Variants in SLC51A observed in about 807,000 individuals in gnomAD.
SLC51A encodes the protein organic solute transporter subunit alpha.
SLC51A carries 22 observed loss-of-function variants against 34.8 expected under a neutral mutation model. That is an observed-to-expected ratio of 0.63 (90% CI 0.45 to 0.90). The LOEUF (loss-of-function observed/expected upper bound fraction) is 0.90, where lower values mean the gene tolerates loss of function less well. Among genes scored for constraint, SLC51A ranks in the 40% least tolerant of loss-of-function variants. The pLI is 0.00. For missense variants in SLC51A, 371 were observed against 414.8 expected (o/e 0.89, Z 0.92); for synonymous variants, 181 against 176.3 (o/e 1.03, Z -0.21).
rs556307667 is a variant in SLC51A, at chr3:196,223,757, A to T, written c.134-3208A>T. The T allele has an allele frequency of 2.7e-5, 9 of 332,930 alleles. No homozygotes were observed. The East Asian group carries it at 6.6e-4, about 24-fold the overall frequency. 20.6% of individuals were successfully genotyped at this position (332,930 alleles called of 1,614,324 possible). On this transcript the variant is annotated intron_variant, in intron 2 of 8. Coordinates refer to ENST00000296327, the MANE Select transcript of SLC51A (RefSeq NM_152672.6). The stretch of plus-strand genomic sequence containing the variant: ...TTAGTTAAAAAAAAAAAAAGAAAGA[A>T]AGAAAATACAGAACAGTAAAAAGAG...
chr3:196,229,920 T>C lies in SLC51A; in HGVS notation c.639T>C (p.Ser213=), dbSNP rs1723992548. The change falls in exon 7 of 9, where the codon TCT becomes TCC. Residue 213 remains serine, a synonymous_variant. Coordinates refer to ENST00000296327, the MANE Select transcript of SLC51A (RefSeq NM_152672.6). ...CTACTTTCTGTTGCCACCAGATTTCTGAGGGGAGCACAGCTCTATGGATCA... is the reference window on the plus strand; with the variant it reads ...CTACTTTCTGTTGCCACCAGATTTCCGAGGGGAGCACAGCTCTATGGATCA... The part of the protein sequence containing the change: ...PDGIYDPADI[S]EGSTALWINT... 6.2e-7 allele frequency: 1 copy of C among 1,600,110 alleles called. No individual in the cohort carries two copies. Among genetic ancestry groups the C allele is most frequent in the Non-Finnish European group, 8.5e-7 (1 of 1,173,962 alleles).
intron 2 of SLC51A, among the ~76,000 whole-genome samples, chr3:196,219,547 G>C (rs984401099): frequency 2.0e-5 from 3 of 151,816 alleles, no homozygotes; most frequent in East Asian, 3.8e-4. Context: ...GAACCAGAGC[G>C]GTTGCCAACT....
chr3:196,220,319 G>A (rs1035327721), intron 2 of SLC51A, among the ~76,000 whole-genome samples: 4 of 152,214 alleles, frequency 2.6e-5, no homozygotes, highest in Admixed American at 6.5e-5. Context: ...GGATGCGGCC[G>A]GACACCGTGG....
At chr3:196,221,013 C>T (rs1261498874) in intron 2 of SLC51A, among the ~76,000 whole-genome samples, 2 of 151,784 alleles carry the variant, frequency 1.3e-5, no homozygotes, top group African/African-American at 4.8e-5. Context: ...ACCTCAGCCT[C>T]CCTAGTAGCT....
chr3:196,227,110 G>A lies in SLC51A; in HGVS notation c.279G>A (p.Ser93=), dbSNP rs777552351. 2.2e-5 allele frequency: 36 copies of A among 1,613,656 alleles called. No homozygotes were observed. The highest frequency in any genetic ancestry group is 2.7e-5 in the Non-Finnish European group (32 of 1,180,012). ...IKRRTLLWKS[S]APTVVSVLCC... The stretch of plus-strand genomic sequence containing the variant: ...GGCGGACTCTGCTCTGGAAGAGCTC[G>A]GCACCCACGGTGAGGCCCCCGGGGC... The change falls in exon 3 of 9, where the codon TCG becomes TCA. Residue 93 remains serine (S), a synonymous_variant. Transcript: ENST00000296327.
Position 196,220,464 on chromosome 3 carries a change from G to A in SLC51A, c.133+2528G>A, listed in dbSNP as rs1296605798. On this transcript the variant is annotated intron_variant, in intron 2 of 8. Transcript: ENST00000296327. ...ATACAAAAATTAGCCAGGTGTGGTG[G>A]CGCGTGCCTGTAATCCCAGCTACTC... Among the ~76,000 whole-genome samples the A allele has an allele frequency of 6.6e-5, 10 of 152,280 alleles. No individual in the cohort carries two copies. The East Asian group carries it at 1.9e-3, about 29-fold the overall frequency.
At chr3:196,229,032 C>A in intron 6 of SLC51A, 112 bp downstream of exon 6, 1 of 909,346 alleles carries the variant, frequency 1.1e-6, no homozygotes, top group Non-Finnish European at 1.7e-6. Flanking sequence ...AAAAGGGTGG[C>A]TGTGGGAAAA....
chr3:196,218,803 C>T (rs370941311), intron 2 of SLC51A, among the ~76,000 whole-genome samples: 2 of 151,906 alleles, frequency 1.3e-5, no homozygotes, highest in Non-Finnish European at 2.9e-5. Flanking sequence ...CTCTGTTTTG[C>T]AGCTTCCCTT....
At chr3:196,227,598 G>A (rs577818950) in intron 3 of SLC51A, 66 bp from the exon 4 acceptor site, 25 of 1,462,588 alleles carry the variant, frequency 1.7e-5, no homozygotes, top group African/African-American at 1.5e-4. Context: ...TGTCCTTGCC[G>A]CAAAAGGCTT....
chr3:196,218,743 T>C (rs1201581151), intron 2 of SLC51A, among the ~76,000 whole-genome samples: 3 of 152,136 alleles, frequency 2.0e-5, no homozygotes, highest in African/African-American at 7.2e-5. Context: ...ATTCCTTGGA[T>C]CCCACCCATT....
At chr3:196,227,870 C>T in intron 4 of SLC51A, 133 bp downstream of exon 4, 1 of 968,480 alleles carries the variant, frequency 1.0e-6, no homozygotes, top group Non-Finnish European at 1.5e-6. Flanking sequence ...GGCTCTTGCG[C>T]TCCTGGCTCT....
intron 2 of SLC51A, among the ~76,000 whole-genome samples, 186 bp downstream of exon 2, chr3:196,218,122 G>A (rs925565001): frequency 6.6e-6 from 1 of 152,206 alleles, no homozygotes; most frequent in Non-Finnish European, 1.5e-5. Context: ...GGGTCAAAAG[G>A]GTAGCATGAG....
intron 3 of SLC51A, 193 bp downstream of exon 3, chr3:196,227,312 C>T (rs1406402081): frequency 1.6e-6 from 1 of 627,568 alleles, no homozygotes; most frequent in Non-Finnish European, 2.8e-6. Context: ...TGTTTGCATT[C>T]TAAGGGCTGC....
Position 196,224,537 on chromosome 3 carries a change from G to A in SLC51A, c.134-2428G>A, listed in dbSNP as rs185630969. On this transcript the variant is annotated intron_variant, in intron 2 of 8. Coordinates refer to ENST00000296327, the MANE Select transcript of SLC51A (RefSeq NM_152672.6). Reference sequence around the variant, plus strand: ...CGAAAACCGTCTCTACTAGCTGGGCGTGGTGGCAGGTGCCTGTAATCCCAG... The same window carrying A: ...CGAAAACCGTCTCTACTAGCTGGGCATGGTGGCAGGTGCCTGTAATCCCAG... Among the ~76,000 whole-genome samples the A allele has an allele frequency of 1.9e-3, 286 of 151,772 alleles. 2 individuals are homozygous for A. Among genetic ancestry groups the A allele is most frequent in the African/African-American group, 6.8e-3 (282 of 41,366 alleles).
At chr3:196,218,612 G>A (rs73083237) in intron 2 of SLC51A, among the ~76,000 whole-genome samples, 4,265 of 152,240 alleles carry the variant, frequency 0.028, 191 homozygotes, top group African/African-American at 0.098. Context: ...GGGGATCCCC[G>A]AGGCCAGCTC....
At chr3:196,231,912 TC>T (rs903835898) in intron 7 of SLC51A, among the ~76,000 whole-genome samples, 1 of 151,688 alleles carries the variant, frequency 6.6e-6, no homozygotes, top group Non-Finnish European at 1.5e-5. Flanking sequence ...TTAAGTACAT[TC>T]CCATAGTTGC....
intron 6 of SLC51A, among the ~76,000 whole-genome samples, chr3:196,229,545 T>A (rs1250444765): frequency 6.6e-6 from 1 of 151,838 alleles, no homozygotes; most frequent in Non-Finnish European, 1.5e-5. Context: ...CCCCGGCTAA[T>A]TTTGTATTTT....
intron 2 of SLC51A, among the ~76,000 whole-genome samples, chr3:196,224,707 A>G (rs995447559): frequency 7.0e-4 from 32 of 45,406 alleles, no homozygotes; most frequent in South Asian, 2.5e-3. Context: ...CGGGGGGGGG[A>G]GGAGATGGGA....
chr3:196,228,034 C>A lies in SLC51A; in HGVS notation c.363-81C>A. 1.3e-6 allele frequency: 2 copies of A among 1,548,512 alleles called. No individual in the cohort carries two copies. Among genetic ancestry groups the A allele is most frequent in the Non-Finnish European group, 1.8e-6 (2 of 1,141,174 alleles). On this transcript the variant is annotated intron_variant, in intron 4 of 8. Coordinates refer to ENST00000296327, the MANE Select transcript of SLC51A (RefSeq NM_152672.6). This position sits in a 1 kb window ranked among gnomAD's most constrained non-coding sequence, Gnocchi z 4.9. Reference sequence around the variant, plus strand: ...CCCAGAACGCCCAGCCCTAGCTCTGCTCCTCAGTAAGCCCCACCTCTCCCT... The same window carrying A: ...CCCAGAACGCCCAGCCCTAGCTCTGATCCTCAGTAAGCCCCACCTCTCCCT...
Sources: allele counts gnomAD v4.1 joint callset (sites outside exome capture counted in the v4.1 genomes callset), GRCh38; gene constraint gnomAD v4.1.1; non-coding constraint Gnocchi (gnomAD v3.1); transcripts MANE v1.5; gene names NCBI Gene and HGNC (gene_info 2026-07-23, HGNC 2026-07-21).